FBRSL1: variants seen among roughly 807,000 people sequenced by gnomAD.
FBRSL1 encodes the protein fibrosin-1-like protein.
FBRSL1 carries 51 observed loss-of-function variants against 89.6 expected under a neutral mutation model. That is an observed-to-expected ratio of 0.57 (90% confidence interval 0.45 to 0.72). FBRSL1 has a LOEUF of 0.72. FBRSL1 is among the 30% of genes least tolerant of loss of function. FBRSL1 has a pLI of 0.00. For missense variants in FBRSL1, 1,618 were observed against 1,451.8 expected (o/e 1.11, Z -1.86); for synonymous variants, 779 against 681.1 (o/e 1.14, Z -2.24).
chr12:132,538,910 T>G (rs977159170), intron 4 of FBRSL1, among the ~76,000 whole-genome samples: 2 of 152,122 alleles, frequency 1.3e-5, no homozygotes, highest in African/African-American at 4.8e-5. Flanking sequence ...GAGAGGAAGG[T>G]GGGCCTCAGT....
chr12:132,544,452 G>T (rs1297521601), intron 4 of FBRSL1, among the ~76,000 whole-genome samples: 2 of 152,172 alleles, frequency 1.3e-5, no homozygotes, highest in African/African-American at 4.8e-5. Context: ...CACTGCCAGG[G>T]CTAAGAGACT....
At position 132,532,956 on chromosome 12, in the gene FBRSL1, C is replaced by T. The variant is rs540099577; in HGVS notation, c.615+4968C>T. Among the ~76,000 whole-genome samples, 10 of 152,306 alleles carry T rather than the reference C, an allele frequency of 6.6e-5. No individual in the cohort carries two copies. In the South Asian group the frequency reaches 1.0e-3, roughly 16 times the overall value. On this transcript the variant is annotated intron_variant, in intron 4 of 18. Coordinates refer to ENST00000680143, the MANE Select transcript of FBRSL1 (RefSeq NM_001367871.1). ...GCTCTGTGCCAGGGCCCGATACAGG[C>T]GCTGTCTTTACAAGGCAGGTTTGTG...
intron 14 of FBRSL1, 140 bp downstream of exon 14, chr12:132,574,704 C>A: frequency 8.9e-7 from 1 of 1,123,884 alleles, no homozygotes; most frequent in Non-Finnish European, 1.2e-6. Context: ...CCTGCCCCTT[C>A]CTCTGGGTAC....
intron 1 of FBRSL1, among the ~76,000 whole-genome samples, chr12:132,506,314 T>C (rs557740408): frequency 6.6e-5 from 10 of 152,278 alleles, no homozygotes; most frequent in African/African-American, 1.9e-4. Flanking sequence ...ATGTGGTAAA[T>C]TTAAACAATT....
chr12:132,507,872 A>G (rs530707052), intron 1 of FBRSL1, among the ~76,000 whole-genome samples: 1 of 152,026 alleles, frequency 6.6e-6, no homozygotes, highest in Non-Finnish European at 1.5e-5. Flanking sequence ...GCCTCCTGTG[A>G]AGCTTACTGG....
Position 132,547,997 on chromosome 12 carries a change from C to T in FBRSL1, c.616-6C>T. 1 of 1,550,118 alleles carries T rather than the reference C, an allele frequency of 6.5e-7. No individual in the cohort carries two copies. On this transcript the variant is annotated splice_polypyrimidine_tract_variant and splice_region_variant and intron_variant, in intron 4 of 18. Transcript: ENST00000680143. Reference sequence around the variant, plus strand: ...CCGACTCACTTCTGTCTCTCTGTCCCTGCAGTGTGACAGCGAGAGCGGCCC... The same window carrying T: ...CCGACTCACTTCTGTCTCTCTGTCCTTGCAGTGTGACAGCGAGAGCGGCCC...
At position 132,570,130 on chromosome 12, in the gene FBRSL1, C is replaced by T. The variant is rs1325125849; in HGVS notation, c.896C>T (p.Pro299Leu). The T allele has an allele frequency of 9.5e-6, 14 of 1,478,244 alleles. No homozygotes were observed. In the East Asian group the frequency reaches 1.1e-4, roughly 12 times the overall value. The allele number at this position is 1,478,244 out of a possible 1,614,324, so 91.6% of individuals were successfully genotyped here. ...KEPPAPHRHT[P>L]QPPPPQPRGL... ...CCCCCCGCCCCGCACCGCCACACCC[C>T]GCAGCCGCCACCCCCGCAGCCCCGC... The change falls in exon 7 of 19, where the codon CCG (proline) becomes CTG (leucine). Residue 299 changes from proline to leucine, a missense_variant. Physicochemically the swap from Pro to Leu is moderately conservative, Grantham distance 98 (BLOSUM62 -3). Transcript: ENST00000680143.
At chr12:132,541,567 A>G (rs1453912236) in intron 4 of FBRSL1, among the ~76,000 whole-genome samples, 2 of 152,218 alleles carry the variant, frequency 1.3e-5, no homozygotes, top group Non-Finnish European at 2.9e-5. Context: ...CTAAGCCCAC[A>G]TGGTGGAGGG....
At chr12:132,558,636 G>A (rs138830806) in intron 5 of FBRSL1, among the ~76,000 whole-genome samples, 2,505 of 152,360 alleles carry the variant, frequency 0.016, 42 homozygotes, top group Non-Finnish European at 0.026. Context: ...CTTCTATACC[G>A]TTGGAGGCAT....
rs368443560 is a variant in FBRSL1, at chr12:132,517,066, T to G, written c.490-8668T>G. ...GGCCCAGACGCTAGAGGCTTATCTT[T>G]GTCCCGGTTGCCAGGCAAGGGTCCT... is the stretch of plus-strand genomic sequence containing the variant. On this transcript the variant is annotated intron_variant, in intron 2 of 18. Coordinates refer to ENST00000680143, the MANE Select transcript of FBRSL1 (RefSeq NM_001367871.1). 1.6e-4 allele frequency among the ~76,000 whole-genome samples: 24 copies of G among 152,354 alleles called. No homozygotes were observed. In the East Asian group the frequency reaches 3.5e-3, roughly 22 times the overall value.
At chr12:132,529,587 T>TCTCTGCCACCCTGGG (rs1421165665) in intron 4 of FBRSL1, among the ~76,000 whole-genome samples, 1 of 132,302 alleles carries the variant, frequency 7.6e-6, no homozygotes, top group Non-Finnish European at 1.6e-5. Context: ...CCTGGGCTCT[T>TCTCTGCCACCCTGGG]CTCTGCCACC....
intron 4 of FBRSL1, among the ~76,000 whole-genome samples, chr12:132,534,418 C>G (rs892820045): frequency 6.6e-6 from 1 of 152,210 alleles, no homozygotes; most frequent in Non-Finnish European, 1.5e-5. Context: ...TCTGCAGATG[C>G]GGAAGCCGAG....
intron 2 of FBRSL1, among the ~76,000 whole-genome samples, chr12:132,521,560 G>T (rs915882187): frequency 1.3e-5 from 2 of 152,182 alleles, no homozygotes; most frequent in Admixed American, 6.5e-5. Context: ...AGGCCTGCAG[G>T]TGCAGAGGCT....
intron 1 of FBRSL1, among the ~76,000 whole-genome samples, chr12:132,503,171 C>A (rs983849154): frequency 6.6e-6 from 1 of 151,376 alleles, no homozygotes; most frequent in African/African-American, 2.4e-5. Flanking sequence ...AGCCACATGC[C>A]CTCACTGGGT....
At chr12:132,535,455 A>T (rs893860283) in intron 4 of FBRSL1, among the ~76,000 whole-genome samples, 19 of 152,222 alleles carry the variant, frequency 1.2e-4, no homozygotes, top group African/African-American at 4.6e-4. Context: ...CTGAGGCGGG[A>T]TGGGGCCTGC....
chr12:132,535,349 G>A (rs2036619980), intron 4 of FBRSL1, among the ~76,000 whole-genome samples: 1 of 152,174 alleles, frequency 6.6e-6, no homozygotes, highest in Non-Finnish European at 1.5e-5. Flanking sequence ...TGCTCGGAGG[G>A]ACACTAATGA....
chr12:132,530,542 G>T (rs2036171952), intron 4 of FBRSL1, among the ~76,000 whole-genome samples: 1 of 151,980 alleles, frequency 6.6e-6, no homozygotes, highest in Non-Finnish European at 1.5e-5. Context: ...CAGGGCACCT[G>T]GGTCTCTCTG....
chr12:132,552,713 C>G (rs961825817), intron 5 of FBRSL1: 1 of 155,210 alleles, frequency 6.4e-6, no homozygotes, highest in Non-Finnish European at 1.4e-5. Flanking sequence ...GGATGGACGG[C>G]TGGACGGGCC....
chr12:132,576,688 TC>T, intron 14 of FBRSL1, 110 bp from the exon 15 acceptor site: 1 of 1,239,506 alleles, frequency 8.1e-7, no homozygotes, highest in Non-Finnish European at 1.1e-6. Context: ...TCCCACCTGC[TC>T]CCCTTACTGG....
Sources: gnomAD v4.1 joint callset for allele counts (sites outside exome capture counted in the v4.1 genomes callset) on GRCh38, gnomAD v4.1.1 for gene constraint, MANE v1.5 for transcripts, NCBI Gene and HGNC (gene_info 2026-07-23, HGNC 2026-07-21) for gene names.